The following SORCS1 variants were observed in gnomAD, a reference collection of about 807,000 sequenced individuals.
SORCS1 encodes VPS10 domain-containing receptor SorCS1.
Under a neutral mutation model 146.1 loss-of-function variants are expected in SORCS1, and 60 were observed. The observed-to-expected ratio is 0.41, with a 90% CI of 0.33 to 0.51. SORCS1 has a LOEUF of 0.51. Ranked by LOEUF, SORCS1 falls within the 20% of genes least tolerant of loss-of-function variation. SORCS1 has a pLI of 0.21. For missense variants in SORCS1, 1,352 were observed against 1,487.6 expected (o/e 0.91, Z 1.50); for synonymous variants, 637 against 584.0 (o/e 1.09, Z -1.31).
chr10:106,722,292 T>C (rs1410733230), intron 6 of SORCS1, among the ~76,000 whole-genome samples: 3 of 152,138 alleles, frequency 2.0e-5, no homozygotes. Flanking sequence ...CTTTGAGAAC[T>C]GAGATCTCTA....
chr10:106,878,649 T>TATACATG (rs1491300730), intron 2 of SORCS1, among the ~76,000 whole-genome samples: 1 of 137,868 alleles, frequency 7.3e-6, no homozygotes, highest in Admixed American at 7.2e-5. Context: ...TATATATATA[T>TATACATG]TTTATAGCAG....
chr10:107,165,459 T>G (rs1182419049), upstream of SORCS1, among the ~76,000 whole-genome samples: 1 of 152,190 alleles, frequency 6.6e-6, no homozygotes, highest in Admixed American at 6.5e-5. The surrounding 1 kb of genome is among the most constrained non-coding windows in gnomAD (Gnocchi z 4.0). Flanking sequence ...TACGCGTTTT[T>G]TAAGCGTATA....
chr10:106,671,499 C>G (rs1168173902), intron 15 of SORCS1, 132 bp from the exon 16 acceptor site: 4 of 1,298,834 alleles, frequency 3.1e-6, no homozygotes, highest in South Asian at 2.9e-5. Context: ...TTTGTGCTAA[C>G]AACATTTTCC....
intron 1 of SORCS1, among the ~76,000 whole-genome samples, chr10:107,034,695 A>C (rs1006163625): frequency 5.5e-5 from 8 of 145,998 alleles, no homozygotes; most frequent in Non-Finnish European, 1.1e-4. Context: ...AAAAAAAAAA[A>C]AAAAAAAAAA....
chr10:106,613,181 G>A (rs1847123493), intron 21 of SORCS1, among the ~76,000 whole-genome samples: 1 of 152,084 alleles, frequency 6.6e-6, no homozygotes, highest in African/African-American at 2.4e-5. Flanking sequence ...ATGTTATTCA[G>A]GGATTTTCTT....
At chr10:106,649,737 T>G (rs534837144) in intron 18 of SORCS1, among the ~76,000 whole-genome samples, 1 of 152,312 alleles carries the variant, frequency 6.6e-6, no homozygotes, top group South Asian at 2.1e-4. Context: ...GAGGCTACAA[T>G]TGCATCTGTG....
At chr10:106,969,408 A>G (rs759159391) in intron 1 of SORCS1, among the ~76,000 whole-genome samples, 3 of 152,208 alleles carry the variant, frequency 2.0e-5, no homozygotes, top group Non-Finnish European at 4.4e-5. Flanking sequence ...GAGAGCAAAA[A>G]ATAATCTTAA....
At chr10:106,789,081 T>C (rs891800005) in intron 3 of SORCS1, among the ~76,000 whole-genome samples, 4 of 152,204 alleles carry the variant, frequency 2.6e-5, no homozygotes, top group African/African-American at 9.6e-5. Flanking sequence ...ACTTGCACCC[T>C]CCACAGCAAT....
At chr10:106,807,881 A>G (rs538665312) in intron 3 of SORCS1, among the ~76,000 whole-genome samples, 1 of 152,364 alleles carries the variant, frequency 6.6e-6, no homozygotes, top group Non-Finnish European at 1.5e-5. Context: ...ATGTCAATGC[A>G]TTCTTTACAT....
chr10:106,807,887 T>C (rs901381484), intron 3 of SORCS1, among the ~76,000 whole-genome samples: 6 of 152,264 alleles, frequency 3.9e-5, no homozygotes, highest in Non-Finnish European at 7.3e-5. Context: ...ATGCATTCTT[T>C]ACATCTTCCC....
intron 17 of SORCS1, among the ~76,000 whole-genome samples, chr10:106,652,992 G>A (rs1411673095): frequency 6.6e-6 from 1 of 152,106 alleles, no homozygotes; most frequent in East Asian, 1.9e-4. Context: ...GATTATGATA[G>A]ATATATGACT....
intron 24 of SORCS1, among the ~76,000 whole-genome samples, chr10:106,591,168 T>C (rs1009344138): frequency 4.6e-5 from 7 of 152,130 alleles, no homozygotes; most frequent in African/African-American, 1.4e-4. Flanking sequence ...GCCAGAGCAA[T>C]AAAATAGGGA....
At chr10:106,943,777 T>C (rs1483754165) in intron 2 of SORCS1, among the ~76,000 whole-genome samples, 1 of 152,110 alleles carries the variant, frequency 6.6e-6, no homozygotes, top group Non-Finnish European at 1.5e-5. Context: ...GCCACTGGAC[T>C]CCAGCCTAGG....
At chr10:106,685,286 AT>A (rs1473921582) in intron 10 of SORCS1, among the ~76,000 whole-genome samples, 1 of 151,968 alleles carries the variant, frequency 6.6e-6, no homozygotes. Flanking sequence ...CCCCTACCAC[AT>A]GGGTTGAGCC....
intron 1 of SORCS1, among the ~76,000 whole-genome samples, chr10:107,150,594 C>A (rs1036997025): frequency 6.6e-6 from 1 of 152,332 alleles, no homozygotes; most frequent in South Asian, 2.1e-4. Context: ...ATTATAAGTT[C>A]TTCTCACTCA....
chr10:107,011,773 G>C (rs1354530376), intron 1 of SORCS1, among the ~76,000 whole-genome samples: 3 of 151,928 alleles, frequency 2.0e-5, no homozygotes, highest in Non-Finnish European at 4.4e-5. Context: ...CTGTATATGG[G>C]GGTTCTCTAT....
chr10:106,596,908 G>A (rs1845939151), intron 24 of SORCS1, among the ~76,000 whole-genome samples: 2 of 152,118 alleles, frequency 1.3e-5, no homozygotes, highest in South Asian at 2.1e-4. Context: ...TTGGAGTGCG[G>A]TGGCGTGATC....
intron 1 of SORCS1, among the ~76,000 whole-genome samples, chr10:107,018,609 T>C (rs747417790): frequency 6.6e-6 from 1 of 152,110 alleles, no homozygotes; most frequent in Non-Finnish European, 1.5e-5. Context: ...TGCTTTTCTT[T>C]TGTTAATCAA....
At chr10:106,987,644 A>G (rs767583725) in intron 1 of SORCS1, among the ~76,000 whole-genome samples, 10 of 152,150 alleles carry the variant, frequency 6.6e-5, no homozygotes, top group Non-Finnish European at 8.8e-5. Flanking sequence ...TCTTTCATGG[A>G]TTAAAACCCA....
Sources: gnomAD v4.1 joint callset for allele counts (sites outside exome capture counted in the v4.1 genomes callset) on GRCh38, gnomAD v4.1.1 for gene constraint, Gnocchi (gnomAD v3.1) non-coding constraint, MANE v1.5 for transcripts, NCBI Gene and HGNC (gene_info 2026-07-23, HGNC 2026-07-21) for gene names.